SRFBP1: variants seen among roughly 807,000 people sequenced by gnomAD.
The protein encoded by SRFBP1 is serum response factor binding protein 1.
Under a neutral mutation model 45.5 loss-of-function variants are expected in SRFBP1, and 47 were observed. The ratio of observed to expected loss-of-function variants is 1.03; its 90% CI spans 0.82 to 1.32. The LOEUF is 1.32. SRFBP1 is among the 40% of genes most tolerant of loss of function. The probability of loss-of-function intolerance (pLI) is 0.00; values close to 1 mark genes in which losing one functional copy is unlikely to be tolerated. For missense variants in SRFBP1, 621 were observed against 484.6 expected (o/e 1.28, Z -2.64); for synonymous variants, 203 against 166.3 (o/e 1.22, Z -1.70).
intron 4 of SRFBP1, among the ~76,000 whole-genome samples, chr5:122,002,994 C>G (rs978413556): frequency 3.3e-5 from 5 of 152,066 alleles, no homozygotes; most frequent in Non-Finnish European, 5.9e-5. Flanking sequence ...AAAGCAACAC[C>G]AAAGTTATGA....
chr5:121,995,072 T>C (rs1229771982), intron 4 of SRFBP1, among the ~76,000 whole-genome samples: 1 of 151,338 alleles, frequency 6.6e-6, no homozygotes. Context: ...ATGGGAGACT[T>C]TAACACCCCA....
downstream of SRFBP1, chr5:122,076,841 C>G: frequency 6.6e-7 from 1 of 1,506,902 alleles, no homozygotes; most frequent in Middle Eastern, 1.7e-4. Context: ...GGCACCAGAG[C>G]GCCCCCTGAA....
intron 1 of SRFBP1, among the ~76,000 whole-genome samples, chr5:121,971,188 T>G (rs1752187022): frequency 6.6e-6 from 1 of 152,024 alleles, no homozygotes; most frequent in Non-Finnish European, 1.5e-5. Flanking sequence ...TAAAAAATTT[T>G]ATTGCGATGG....
intron 4 of SRFBP1, among the ~76,000 whole-genome samples, chr5:122,005,504 C>T (rs930518387): frequency 3.9e-5 from 6 of 152,076 alleles, no homozygotes; most frequent in African/African-American, 9.7e-5. Context: ...TTCATTTCTT[C>T]GCTTTTAGTC....
intron 2 of SRFBP1, among the ~76,000 whole-genome samples, chr5:122,058,293 C>A (rs1244385797): frequency 6.6e-6 from 1 of 152,070 alleles, no homozygotes; most frequent in African/African-American, 2.4e-5. Context: ...TAAACAAAAT[C>A]TTTTGAAAAG....
At chr5:122,074,181 C>T (rs1363844473) in intron 2 of SRFBP1, 3 of 1,604,490 alleles carry the variant, frequency 1.9e-6, no homozygotes, top group Admixed American at 1.7e-5. Context: ...TGATGTCCCA[C>T]AAAACAAAAA....
At chr5:122,023,627 C>T (rs1209722244) in intron 7 of SRFBP1, among the ~76,000 whole-genome samples, 2 of 152,176 alleles carry the variant, frequency 1.3e-5, no homozygotes, top group Non-Finnish European at 2.9e-5. Context: ...TGGTCCGTGT[C>T]TAGGGAGGGT....
At chr5:121,969,502 C>G (rs766729419) in intron 1 of SRFBP1, among the ~76,000 whole-genome samples, 2 of 151,984 alleles carry the variant, frequency 1.3e-5, no homozygotes, top group Non-Finnish European at 2.9e-5. Context: ...TCTGAGTCAT[C>G]TCACATGGTC....
At chr5:121,998,508 A>C in intron 4 of SRFBP1, among the ~76,000 whole-genome samples, 1 of 107,586 alleles carries the variant, frequency 9.3e-6, no homozygotes, top group South Asian at 3.5e-4. Context: ...CACTCTGGGG[A>C]CTGTGGTGGG....
At chr5:122,050,719 T>C (rs1753958905) in intron 2 of SRFBP1, among the ~76,000 whole-genome samples, 1 of 152,120 alleles carries the variant, frequency 6.6e-6, no homozygotes, top group African/African-American at 2.4e-5. Context: ...TCATTGATCT[T>C]TTTGTATGAT....
intron 4 of SRFBP1, 26 bp from the exon 5 acceptor site, chr5:122,019,234 C>T (rs760187015): frequency 1.9e-5 from 30 of 1,576,506 alleles, no homozygotes; most frequent in East Asian, 1.8e-4. Context: ...CATTCCCATA[C>T]GTTTATTATA....
chr5:122,037,028 A>G (rs1345717871), intron 2 of SRFBP1, among the ~76,000 whole-genome samples: 1 of 151,888 alleles, frequency 6.6e-6, no homozygotes, highest in Non-Finnish European at 1.5e-5. Context: ...GCTCCCGAGT[A>G]GCTGGGATTA....
downstream of SRFBP1, chr5:122,076,819 C>A: frequency 7.7e-7 from 1 of 1,294,586 alleles, no homozygotes; most frequent in Non-Finnish European, 1.1e-6. Flanking sequence ...GAAGCAGTAG[C>A]AGTCAGAACC....
intron 2 of SRFBP1, chr5:122,066,569 A>C: frequency 1.9e-6 from 1 of 514,206 alleles, no homozygotes. Flanking sequence ...ATGATGACTT[A>C]AGCGTTCAAA....
At chr5:122,051,428 G>A (rs1042854393) in intron 2 of SRFBP1, among the ~76,000 whole-genome samples, 5 of 151,842 alleles carry the variant, frequency 3.3e-5, no homozygotes, top group African/African-American at 4.8e-5. Flanking sequence ...TCATGAGTCT[G>A]GGTGGTCCTG....
At chr5:122,066,025 A>G (rs1322761108) in intron 2 of SRFBP1, 1 of 152,122 alleles carries the variant, frequency 6.6e-6, no homozygotes, top group African/African-American at 2.4e-5. Flanking sequence ...GCCTCAAGAA[A>G]TATCAGACAG....
At chr5:121,979,421 G>A (rs933702541) in intron 3 of SRFBP1, among the ~76,000 whole-genome samples, 7 of 152,066 alleles carry the variant, frequency 4.6e-5, no homozygotes, top group Admixed American at 6.5e-5. Flanking sequence ...AAGTTTCTCC[G>A]TAGGGTAAAA....
intron 4 of SRFBP1, among the ~76,000 whole-genome samples, chr5:122,011,276 A>C (rs1753088431): frequency 6.6e-6 from 1 of 152,258 alleles, no homozygotes; most frequent in Non-Finnish European, 1.5e-5. Flanking sequence ...CCCAAATAAA[A>C]ATTTTCCATT....
At chr5:122,000,126 A>G (rs1752826723) in intron 4 of SRFBP1, among the ~76,000 whole-genome samples, 1 of 152,044 alleles carries the variant, frequency 6.6e-6, no homozygotes, top group Admixed American at 6.5e-5. Context: ...TCTACAGTTC[A>G]TAATATACAC....
Sources: gnomAD v4.1 joint callset for allele counts (sites outside exome capture counted in the v4.1 genomes callset) on GRCh38, gnomAD v4.1.1 for gene constraint, MANE v1.5 for transcripts, NCBI Gene and HGNC (gene_info 2026-07-23, HGNC 2026-07-21) for gene names.